GAPT: variants seen among roughly 807,000 people sequenced by gnomAD.
GAPT encodes protein GAPT.
For missense variants in GAPT, 206 were observed against 189.2 expected (o/e 1.09, Z -0.52); for synonymous variants, 82 against 69.7 (o/e 1.18, Z -0.88).
At position 58,493,825 on chromosome 5, in the gene GAPT, A is replaced by G. The variant is rs1013957310; in HGVS notation, c.-304A>G. On this transcript the variant is annotated 5_prime_UTR_variant, in exon 2 of 3. Transcript: ENST00000502276. ...CAAAAAAGGATAAGCAGGGCTTCACAGAAGAGGTGACAGGTAATAAAGATG... is the reference window on the plus strand; with the variant it reads ...CAAAAAAGGATAAGCAGGGCTTCACGGAAGAGGTGACAGGTAATAAAGATG... The G allele has an allele frequency of 7.0e-6, 1 of 142,318 alleles. No homozygotes were observed. Among genetic ancestry groups the G allele is most frequent in the African/African-American group, 2.7e-5 (1 of 37,422 alleles). The allele number at this position is 142,318 out of a possible 1,614,324, so 8.8% of individuals were successfully genotyped here.
rs1389308 is a variant in GAPT, at chr5:58,495,484, T to G, written c.*474T>G. The G allele has an allele frequency of 0.62, 104,658 of 168,766 alleles. 33,346 individuals carry two copies. The highest frequency in any genetic ancestry group is 0.72 in the African/African-American group (29,753 of 41,468). The allele number at this position is 168,766 out of a possible 1,614,324, so 10.5% of individuals were successfully genotyped here. On this transcript the variant is annotated 3_prime_UTR_variant, in exon 3 of 3. Transcript: ENST00000502276. ...AAAAATAATTCACTGTGATTTTTAT[T>G]GTACTGATGCCATTCTTAATCAAGT... is the stretch of plus-strand genomic sequence containing the variant.
chr5:58,494,672 T>C lies in GAPT; in HGVS notation c.136T>C (p.Phe46Leu), dbSNP rs750865903. 4 of 1,613,804 alleles carry C rather than the reference T, an allele frequency of 2.5e-6. No homozygotes were observed. The highest frequency in any genetic ancestry group is 3.4e-6 in the Non-Finnish European group (4 of 1,179,908). ...RVATRFTLPR[F>L]LQRRSSRRKV... ...TGCCACACGATTTACCTTACCGAGG[T>C]TTTTACAAAGGAGAAGCAGCAGGAG... The change falls in exon 3 of 3, where the codon TTT becomes CTT. Residue 46 changes from phenylalanine to leucine, a missense_variant. Physicochemically the swap from Phe to Leu is conservative, Grantham distance 22. Coordinates refer to ENST00000502276, the MANE Select transcript of GAPT (RefSeq NM_001304431.2).
chr5:58,493,657 C>T (rs1357161479), intron 1 of GAPT, 54 bp from the exon 2 acceptor site: 1 of 152,214 alleles, frequency 6.6e-6, no homozygotes, highest in East Asian at 1.9e-4. Context: ...GATGAAATGA[C>T]CTGAACCCTG....
chr5:58,491,600 G>A (rs928674108), intron 1 of GAPT, 59 bp downstream of exon 1: 5 of 152,136 alleles, frequency 3.3e-5, no homozygotes, highest in African/African-American at 7.2e-5. Context: ...AAACAAGTTT[G>A]TCTTTAATTA....
In GAPT at chr5:58,491,539, G is replaced by A. The variant is rs909190269; in HGVS notation, c.-421G>A. 4 of 152,154 alleles carry A rather than the reference G, an allele frequency of 2.6e-5. No individual in the cohort carries two copies. Among genetic ancestry groups the A allele is most frequent in the Non-Finnish European group, 5.9e-5 (4 of 68,018 alleles). 9.4% of individuals were successfully genotyped at this position (152,154 alleles called of 1,614,324 possible). ...AGAGAGAGCTTGACACACCAATCTTGAGGTAAGTAAGAACCTGATTTAAGG... is the reference window on the plus strand; with the variant it reads ...AGAGAGAGCTTGACACACCAATCTTAAGGTAAGTAAGAACCTGATTTAAGG... On this transcript the variant is annotated splice_region_variant and 5_prime_UTR_variant, in exon 1 of 3. Transcript: ENST00000502276.
chr5:58,495,799 A>G lies in GAPT; in HGVS notation c.*789A>G, dbSNP rs977529043. 2.4e-5 allele frequency: 4 copies of G among 166,650 alleles called. No homozygotes were observed. The highest frequency in any genetic ancestry group is 6.5e-5 in the Admixed American group (1 of 15,280). The allele number at this position is 166,650 out of a possible 1,614,324, so 10.3% of individuals were successfully genotyped here. ...GTTGCCAGATTTATCTTCAGAAAAT[A>G]TTCCTAACAGCCACATTATTTCTTT... On this transcript the variant is annotated 3_prime_UTR_variant, in exon 3 of 3. Coordinates refer to ENST00000502276, the MANE Select transcript of GAPT (RefSeq NM_001304431.2).
chr5:58,492,361 T>C (rs1403632793), intron 1 of GAPT, among the ~76,000 whole-genome samples: 4 of 152,206 alleles, frequency 2.6e-5, no homozygotes, highest in African/African-American at 7.2e-5. Flanking sequence ...ATGTATACCA[T>C]AAAATATCTT....
At position 58,495,266 on chromosome 5, in the gene GAPT, C is replaced by A; in HGVS notation, c.*256C>A. The A allele has an allele frequency of 8.1e-6, 3 of 370,360 alleles. No homozygotes were observed. Among genetic ancestry groups the A allele is most frequent in the East Asian group, 5.0e-5 (1 of 20,124 alleles). The allele number at this position is 370,360 out of a possible 1,614,324, so 22.9% of individuals were successfully genotyped here. A position where few individuals can be genotyped will look rare whatever the true frequency, so the allele number is the denominator to read the frequency against. On this transcript the variant is annotated 3_prime_UTR_variant, in exon 3 of 3. Transcript: ENST00000502276. ...GAACACATGGAGAGAAGGAGAGGAACAACAGACACTGGGGCCTACTTGAGG... is the reference window on the plus strand; with the variant it reads ...GAACACATGGAGAGAAGGAGAGGAAAAACAGACACTGGGGCCTACTTGAGG...
At chr5:58,493,342 C>T (rs1327432524) in intron 1 of GAPT, among the ~76,000 whole-genome samples, 1 of 152,106 alleles carries the variant, frequency 6.6e-6, no homozygotes, top group African/African-American at 2.4e-5. Context: ...AACACTTCCC[C>T]TTCTTGTCTC....
chr5:58,493,080 T>C (rs963058090), intron 1 of GAPT, among the ~76,000 whole-genome samples: 3 of 152,170 alleles, frequency 2.0e-5, no homozygotes, highest in Admixed American at 6.5e-5. Flanking sequence ...TTTAAGCCTC[T>C]CTTCTTATCT....
chr5:58,496,970 T>C lies in GAPT; in HGVS notation c.*1960T>C, dbSNP rs1056054148. ...GGCTCCTCCTCTGAGGTCTGGTAAC[T>C]CTCAGCCAAGATTGTTACAGTTACT... On this transcript the variant is annotated 3_prime_UTR_variant, in exon 3 of 3. Coordinates refer to ENST00000502276, the MANE Select transcript of GAPT (RefSeq NM_001304431.2). The C allele has an allele frequency of 6.0e-6, 1 of 167,058 alleles. No individual in the cohort carries two copies. The highest frequency in any genetic ancestry group is 2.4e-5 in the African/African-American group (1 of 41,426). The allele number at this position is 167,058 out of a possible 1,614,324, so 10.3% of individuals were successfully genotyped here.
chr5:58,494,591 C>A lies in GAPT; in HGVS notation c.55C>A (p.Leu19Ile). The A allele has an allele frequency of 6.2e-7, 1 of 1,613,532 alleles. No homozygotes were observed. Residue 19 changes from leucine to isoleucine, a missense_variant, in exon 3 of 3, where the codon CTT (leucine) becomes ATT (isoleucine). Coordinates refer to ENST00000502276, the MANE Select transcript of GAPT (RefSeq NM_001304431.2). ...LAAISVGISL[L>I]LLLVVCGIGC... The stretch of plus-strand genomic sequence containing the variant: ...GGCCATTTCTGTAGGAATTTCGCTT[C>A]TTTTACTCTTAGTGGTTTGTGGAAT...
rs1381177584 is a variant in GAPT, at chr5:58,495,026, A to C, written c.*16A>C. ...TTCATATTAGCTTTTCAAAATATTG[A>C]CTTTTGTTATTGGATGATAAATATT... is the stretch of plus-strand genomic sequence containing the variant. On this transcript the variant is annotated 3_prime_UTR_variant, in exon 3 of 3. Transcript: ENST00000502276. The C allele has an allele frequency of 3.4e-6, 5 of 1,492,408 alleles. No homozygotes were observed. The highest frequency in any genetic ancestry group is 4.6e-6 in the Non-Finnish European group (5 of 1,086,380). 92.4% of individuals were successfully genotyped at this position (1,492,408 alleles called of 1,614,324 possible). A position where few individuals can be genotyped will look rare whatever the true frequency, so the allele number is the denominator to read the frequency against.
At position 58,496,081 on chromosome 5, in the gene GAPT, C is replaced by T. The variant is rs188952698; in HGVS notation, c.*1071C>T. 29 of 167,166 alleles carry T rather than the reference C, an allele frequency of 1.7e-4. No individual in the cohort carries two copies. In the East Asian group the frequency reaches 5.2e-3, roughly 30 times the overall value. The allele number at this position is 167,166 out of a possible 1,614,324, so 10.4% of individuals were successfully genotyped here. A position where few individuals can be genotyped will look rare whatever the true frequency, so the allele number is the denominator to read the frequency against. On this transcript the variant is annotated 3_prime_UTR_variant, in exon 3 of 3. Transcript: ENST00000502276. ...TCTTCCACACATCTCCTGAATCACT[C>T]CAAACCCGCATTTACCTTTTTATTT...
At position 58,495,736 on chromosome 5, in the gene GAPT, G is replaced by T; in HGVS notation, c.*726G>T. ...TCATAGGCTCCTAACTGTTCCTCCTGCTTCTAGTTTCTACCCACTCAATCA... is the reference window on the plus strand; with the variant it reads ...TCATAGGCTCCTAACTGTTCCTCCTTCTTCTAGTTTCTACCCACTCAATCA... On this transcript the variant is annotated 3_prime_UTR_variant, in exon 3 of 3. Transcript: ENST00000502276. The T allele has an allele frequency of 6.0e-6, 1 of 165,848 alleles. No individual in the cohort carries two copies. 10.3% of individuals were successfully genotyped at this position (165,848 alleles called of 1,614,324 possible).
At chr5:58,493,688 G>T (rs1744333603) in intron 1 of GAPT, 23 bp from the exon 2 acceptor site, 1 of 152,064 alleles carries the variant, frequency 6.6e-6, no homozygotes, top group Non-Finnish European at 1.5e-5. Flanking sequence ...AACCAAGTAA[G>T]AATACAATTC....
In GAPT at chr5:58,495,399, T is replaced by G. The variant is rs984431889; in HGVS notation, c.*389T>G. ...GTACACCAAACCCCCAAGTCACAAG[T>G]GTTCCTACATAACAAACCTGAACAT... is the stretch of plus-strand genomic sequence containing the variant. On this transcript the variant is annotated 3_prime_UTR_variant, in exon 3 of 3. Coordinates refer to ENST00000502276, the MANE Select transcript of GAPT (RefSeq NM_001304431.2). The G allele has an allele frequency of 6.1e-6, 1 of 165,282 alleles. No homozygotes were observed. The highest frequency in any genetic ancestry group is 1.8e-4 in the East Asian group (1 of 5,590). The allele number at this position is 165,282 out of a possible 1,614,324, so 10.2% of individuals were successfully genotyped here. A position where few individuals can be genotyped will look rare whatever the true frequency, so the allele number is the denominator to read the frequency against.
At chr5:58,492,744 C>T (rs1744294312) in intron 1 of GAPT, among the ~76,000 whole-genome samples, 1 of 152,072 alleles carries the variant, frequency 6.6e-6, no homozygotes, top group Non-Finnish European at 1.5e-5. Context: ...TTCATGAAAA[C>T]TCACTGAAAG....
Position 58,493,764 on chromosome 5 carries a change from G to A in GAPT, c.-365G>A, listed in dbSNP as rs1744337314. 6.6e-6 allele frequency: 1 copy of A among 152,148 alleles called. No individual in the cohort carries two copies. The highest frequency in any genetic ancestry group is 1.5e-5 in the Non-Finnish European group (1 of 68,014). The allele number at this position is 152,148 out of a possible 1,614,324, so 9.4% of individuals were successfully genotyped here. On this transcript the variant is annotated 5_prime_UTR_variant, in exon 2 of 3. Coordinates refer to ENST00000502276, the MANE Select transcript of GAPT (RefSeq NM_001304431.2). ...CATTAATATGGGATTACAGAGGAAG[G>A]AATGGTTAAGAAAAAGACATGGCCT...
Sources: allele counts gnomAD v4.1 joint callset (sites outside exome capture counted in the v4.1 genomes callset), GRCh38; gene constraint gnomAD v4.1.1; transcripts MANE v1.5; gene names NCBI Gene and HGNC (gene_info 2026-07-23, HGNC 2026-07-21).